The following USP46 variants were observed in gnomAD, a reference collection of about 807,000 sequenced individuals.
USP46 encodes the protein ubiquitin carboxyl-terminal hydrolase 46.
A neutral mutation model predicts 44.4 loss-of-function variants in USP46; 12 were observed. The observed-to-expected ratio is 0.27, with a 90% confidence interval of 0.17 to 0.44. USP46 has a LOEUF of 0.44. Among genes scored for constraint, USP46 ranks in the 20% least tolerant of loss-of-function variants. The pLI is 1.00. For synonymous variants in USP46, 155 were observed against 161.5 expected (o/e 0.96, Z 0.31); for missense variants, 248 against 444.8 (o/e 0.56, Z 3.98).
At chr4:52,655,265 C>T (rs1718909249) in intron 1 of USP46, 2 of 152,318 alleles carry the variant, frequency 1.3e-5, no homozygotes, top group African/African-American at 4.8e-5. Flanking sequence ...AGATAAGGAA[C>T]AGCTGAGCCC....
At chr4:52,619,782 A>G (rs987802231) in intron 4 of USP46, among the ~76,000 whole-genome samples, 1 of 152,212 alleles carries the variant, frequency 6.6e-6, no homozygotes, top group African/African-American at 2.4e-5. Context: ...CCAACTGGCT[A>G]GGATATCATA....
intron 1 of USP46, chr4:52,650,898 AC>A (rs1182074562): frequency 6.6e-6 from 1 of 152,172 alleles, no homozygotes; most frequent in Non-Finnish European, 1.5e-5. Flanking sequence ...AGAGATCAAG[AC>A]CATCCCAGGC....
chr4:52,614,458 C>A (rs1241900313), intron 4 of USP46, among the ~76,000 whole-genome samples: 1 of 152,188 alleles, frequency 6.6e-6, no homozygotes, highest in Admixed American at 6.5e-5. Flanking sequence ...ATCCAATTGG[C>A]AGCTGACCTC....
chr4:52,654,647 C>G (rs908429327), intron 1 of USP46, among the ~76,000 whole-genome samples: 1 of 152,098 alleles, frequency 6.6e-6, no homozygotes, highest in Non-Finnish European at 1.5e-5. Context: ...CCTCTTGCCT[C>G]GGCCTCCCAA....
At chr4:52,637,560 C>T (rs187493568) in intron 1 of USP46, among the ~76,000 whole-genome samples, 1 of 152,266 alleles carries the variant, frequency 6.6e-6, no homozygotes, top group East Asian at 1.9e-4. Flanking sequence ...TCGTCCTCTG[C>T]ACTCTCTGCC....
At chr4:52,638,917 T>C (rs1180990264) in intron 1 of USP46, among the ~76,000 whole-genome samples, 1 of 152,134 alleles carries the variant, frequency 6.6e-6, no homozygotes, top group Non-Finnish European at 1.5e-5. Context: ...CACTTCCCCA[T>C]TCTCCCTTCC....
At chr4:52,637,721 C>G (rs1452286893) in intron 1 of USP46, among the ~76,000 whole-genome samples, 1 of 152,186 alleles carries the variant, frequency 6.6e-6, no homozygotes, top group African/African-American at 2.4e-5. Flanking sequence ...CCCACCTTAC[C>G]TACCTCTAAC....
chr4:52,610,549 G>A lies in USP46; in HGVS notation c.630C>T (p.His210=), dbSNP rs1716900859. ...VDVEQNTSIT[H]CLRDFSNTET... ...CCTCAGAGTTCATATACCTTAGACA[G>A]TGGGTAATGGATGTATTCTGCTCCA... is the stretch of plus-strand genomic sequence containing the variant. The change falls in exon 5 of 9, where the codon CAC becomes CAT. Residue 210 remains histidine, a synonymous_variant. Coordinates refer to ENST00000441222, the MANE Select transcript of USP46 (RefSeq NM_022832.4). The A allele has an allele frequency of 6.2e-7, 1 of 1,613,770 alleles. No homozygotes were observed. The highest frequency in any genetic ancestry group is 1.3e-5 in the African/African-American group (1 of 74,934).
At chr4:52,610,672 CT>C in intron 4 of USP46, 55 bp from the exon 5 acceptor site, 1 of 1,539,884 alleles carries the variant, frequency 6.5e-7, no homozygotes. Context: ...GTAGATAAAA[CT>C]TTGAACATGT....
At position 52,595,597 on chromosome 4, in the gene USP46, AAAAG is replaced by A. The variant is rs1216517561; in HGVS notation, c.*2039_*2042del. On this transcript the variant is annotated 3_prime_UTR_variant, in exon 9 of 9. Coordinates refer to ENST00000441222, the MANE Select transcript of USP46 (RefSeq NM_022832.4). Reference sequence around the variant, plus strand: ...AAAAACATTTTGCACAACCAAATAGAAAAGAAATATCCTGAACTTATGACTTAGC... The same window carrying A: ...AAAAACATTTTGCACAACCAAATAGAAAATATCCTGAACTTATGACTTAGC... 6.6e-6 allele frequency: 1 copy of A among 152,260 alleles called. No homozygotes were observed. The highest frequency in any genetic ancestry group is 1.5e-5 in the Non-Finnish European group (1 of 68,038). 9.4% of individuals were successfully genotyped at this position (152,260 alleles called of 1,614,324 possible). A position where few individuals can be genotyped will look rare whatever the true frequency, so the allele number is the denominator to read the frequency against.
At chr4:52,602,098 T>C in intron 6 of USP46, 44 bp from the exon 7 acceptor site, 2 of 1,575,708 alleles carry the variant, frequency 1.3e-6, no homozygotes, top group Non-Finnish European at 1.7e-6. Context: ...CCAACACCTA[T>C]TAGGGGAAGA....
chr4:52,611,021 G>A (rs1385509382), intron 4 of USP46, among the ~76,000 whole-genome samples: 5 of 152,232 alleles, frequency 3.3e-5, no homozygotes, highest in Admixed American at 3.3e-4. Flanking sequence ...ATCCCTTGTT[G>A]AGTCGTTTCC....
chr4:52,595,587 A>T lies in USP46; in HGVS notation c.*2053T>A, dbSNP rs1261493450. ...AATAACTGGGAAAAACATTTTGCAC[A>T]ACCAAATAGAAAAGAAATATCCTGA... On this transcript the variant is annotated 3_prime_UTR_variant, in exon 9 of 9. Transcript: ENST00000441222. 1 of 152,260 alleles carries T rather than the reference A, an allele frequency of 6.6e-6. No individual in the cohort carries two copies. The highest frequency in any genetic ancestry group is 1.5e-5 in the Non-Finnish European group (1 of 68,046). The allele number at this position is 152,260 out of a possible 1,614,324, so 9.4% of individuals were successfully genotyped here.
chr4:52,622,332 C>CT (rs1178303872), intron 4 of USP46, among the ~76,000 whole-genome samples: 1 of 152,104 alleles, frequency 6.6e-6, no homozygotes, highest in Non-Finnish European at 1.5e-5. Flanking sequence ...ACATATACTT[C>CT]TTTAAAAAAA....
Position 52,592,755 on chromosome 4 carries a change from C to T in USP46, c.*4885G>A, listed in dbSNP as rs1296561572. The T allele has an allele frequency of 5.0e-6, 2 of 397,076 alleles. No individual in the cohort carries two copies. Among genetic ancestry groups the T allele is most frequent in the African/African-American group, 4.1e-5 (2 of 48,554 alleles). 24.6% of individuals were successfully genotyped at this position (397,076 alleles called of 1,614,324 possible). On this transcript the variant is annotated 3_prime_UTR_variant, in exon 9 of 9. Transcript: ENST00000441222. ...TTGGGAGGCTGAGGCAGAAGAATCG[C>T]TTGAACTCGGGAGGCAGAGGTTGCA...
chr4:52,625,873 A>G (rs1717563476), intron 4 of USP46, 145 bp downstream of exon 4: 1 of 835,290 alleles, frequency 1.2e-6, no homozygotes, highest in African/African-American at 1.7e-5. Context: ...AAAAGTTTGT[A>G]CTTGAGTTTC....
At chr4:52,656,603 A>G in intron 1 of USP46, 1 of 1,265,990 alleles carries the variant, frequency 7.9e-7, no homozygotes, top group Non-Finnish European at 1.0e-6. Context: ...GAGAAAGATG[A>G]TGTTGACAAT....
intron 1 of USP46, among the ~76,000 whole-genome samples, chr4:52,633,163 T>C (rs1029475062): frequency 6.6e-6 from 1 of 152,196 alleles, no homozygotes; most frequent in African/African-American, 2.4e-5. Context: ...CACTTGTCCC[T>C]AAGCAAACAT....
At chr4:52,655,620 T>C (rs1718920598) in intron 1 of USP46, among the ~76,000 whole-genome samples, 1 of 152,210 alleles carries the variant, frequency 6.6e-6, no homozygotes, top group Non-Finnish European at 1.5e-5. Flanking sequence ...GTTAAATCCA[T>C]TGGTCTGGAC....
Sources: allele counts gnomAD v4.1 joint callset (sites outside exome capture counted in the v4.1 genomes callset), GRCh38; gene constraint gnomAD v4.1.1; transcripts MANE v1.5; gene names NCBI Gene and HGNC (gene_info 2026-07-23, HGNC 2026-07-21).